The following BRD1 variants were observed in gnomAD, a reference collection of about 807,000 sequenced individuals.
BRD1 encodes the protein bromodomain-containing protein 1.
Under a neutral mutation model 107.7 loss-of-function variants are expected in BRD1, and 24 were observed. The observed-to-expected ratio is 0.22, with a 90% CI of 0.16 to 0.31. The LOEUF is 0.31. BRD1 is among the 10% of genes least tolerant of loss of function. BRD1 has a pLI of 1.00. For missense variants in BRD1, 1,279 were observed against 1,638.6 expected, an observed-to-expected ratio of 0.78 and a Z score of 3.79; for synonymous variants, 744 against 686.1, an observed-to-expected ratio of 1.08 and a Z score of -1.32.
chr22:49,784,040 C>G (rs1227267510), intron 8 of BRD1, among the ~76,000 whole-genome samples: 1 of 152,218 alleles, frequency 6.6e-6, no homozygotes, highest in Non-Finnish European at 1.5e-5. Context: ...TCAGCCTCCT[C>G]CCTGAACAGC....
At chr22:49,822,205 T>A (rs1569140432) in intron 2 of BRD1, among the ~76,000 whole-genome samples, 2 of 152,162 alleles carry the variant, frequency 1.3e-5, no homozygotes, top group East Asian at 3.9e-4. Flanking sequence ...GCAGGCAGAC[T>A]GCCTGAGCTC....
At chr22:49,809,550 T>A (rs57255560) in intron 2 of BRD1, among the ~76,000 whole-genome samples, 62,329 of 136,644 alleles carry the variant, frequency 0.46, 13,538 homozygotes, top group African/African-American at 0.58. Context: ...CCAAAAAAAA[T>A]ATATATATAT....
At chr22:49,779,017 TA>T (rs1256668521) in intron 8 of BRD1, among the ~76,000 whole-genome samples, 3 of 152,210 alleles carry the variant, frequency 2.0e-5, no homozygotes, top group Non-Finnish European at 4.4e-5. Flanking sequence ...ACCTCATCCT[TA>T]AAAAATTTTT....
intron 2 of BRD1, chr22:49,817,680 C>G (rs1180028538): frequency 4.4e-6 from 1 of 225,586 alleles, no homozygotes; most frequent in Non-Finnish European, 9.9e-6. Flanking sequence ...ACCAACAAGA[C>G]TAAAAGATTT....
intron 1 of BRD1, among the ~76,000 whole-genome samples, chr22:49,825,203 T>C (rs1468748904): frequency 1.3e-5 from 2 of 152,054 alleles, no homozygotes; most frequent in East Asian, 1.9e-4. Flanking sequence ...TCCAGACACA[T>C]GCATGACGCC....
intron 8 of BRD1, among the ~76,000 whole-genome samples, chr22:49,782,231 C>T (rs531583294): frequency 1.2e-4 from 18 of 151,720 alleles, no homozygotes; most frequent in African/African-American, 4.1e-4. Flanking sequence ...GGACCCGCTC[C>T]GTGACAATGC....
intron 2 of BRD1, among the ~76,000 whole-genome samples, chr22:49,810,134 A>G (rs2059822296): frequency 6.6e-6 from 1 of 152,204 alleles, no homozygotes; most frequent in African/African-American, 2.4e-5. Context: ...TTAAAAAAGA[A>G]AGAAAGAGAA....
chr22:49,794,316 G>A, intron 6 of BRD1, 22 bp from the exon 7 acceptor site: 1 of 1,592,820 alleles, frequency 6.3e-7, no homozygotes, highest in Non-Finnish European at 8.6e-7. Context: ...GACACATGCT[G>A]TCAGTCATCA....
At chr22:49,811,907 C>T (rs1332073462) in intron 2 of BRD1, among the ~76,000 whole-genome samples, 1 of 152,192 alleles carries the variant, frequency 6.6e-6, no homozygotes, top group Admixed American at 6.5e-5. Context: ...ATTTATGGTC[C>T]ACACATGATT....
chr22:49,824,923 AGCCTGTCCATCC>A lies in BRD1; in HGVS notation c.-14-604_-14-593del. 1.6e-6 allele frequency: 1 copy of A among 607,968 alleles called. No homozygotes were observed. Among genetic ancestry groups the A allele is most frequent in the South Asian group, 6.8e-5 (1 of 14,814 alleles). The allele number at this position is 607,968 out of a possible 1,614,324, so 37.7% of individuals were successfully genotyped here. A position where few individuals can be genotyped will look rare whatever the true frequency, so the allele number is the denominator to read the frequency against. On this transcript the variant is annotated intron_variant, in intron 1 of 12. Coordinates refer to ENST00000404760, the MANE Select transcript of BRD1 (RefSeq NM_001304808.3). The surrounding 1 kb of genome is among the most constrained non-coding windows in gnomAD (Gnocchi z 5.9). ...GGGCCAGGGGTAGGAGACAGATCACAGCCTGTCCATCCTCTATAGACAGGCCCTCCACACGCA... is the reference window on the plus strand; with the variant it reads ...GGGCCAGGGGTAGGAGACAGATCACATCTATAGACAGGCCCTCCACACGCA...
rs939254702 is a variant in BRD1, at chr22:49,787,609, G to T, written c.2638C>A (p.Arg880Ser). The change falls in exon 8 of 13, where the codon CGC becomes AGC. Residue 880 changes from arginine to serine, a missense_variant. By Grantham distance (110) the Arg-to-Ser change is moderately radical. Transcript: ENST00000404760. ...VAEPASDVNR[R>S]TSVLFCKSKS... The stretch of plus-strand genomic sequence containing the variant: ...GATTTGCAGAAGAGAACAGAAGTGC[G>T]TCTGTTTACATCGCTTGCTGGCTCC... The T allele has an allele frequency of 6.4e-7, 1 of 1,553,098 alleles. No homozygotes were observed. The highest frequency in any genetic ancestry group is 2.4e-5 in the East Asian group (1 of 40,994).
At position 49,824,387 on chromosome 22, in the gene BRD1, A is replaced by T; in HGVS notation, c.-14-56T>A. On this transcript the variant is annotated intron_variant, in intron 1 of 12. Transcript: ENST00000404760. The surrounding 1 kb of genome is among the most constrained non-coding windows in gnomAD (Gnocchi z 5.9). ...TACGCAGGGTGACCAAAGACTCGAG[A>T]AAACCACAAAAGCATGCTTGGACAG... 1 of 1,577,892 alleles carries T rather than the reference A, an allele frequency of 6.3e-7. No homozygotes were observed. Among genetic ancestry groups the T allele is most frequent in the Non-Finnish European group, 8.6e-7 (1 of 1,163,874 alleles).
chr22:49,819,837 C>CAA (rs1286060655), intron 2 of BRD1, among the ~76,000 whole-genome samples: 1 of 152,028 alleles, frequency 6.6e-6, no homozygotes, highest in Non-Finnish European at 1.5e-5. Context: ...AACCTTAAAA[C>CAA]TATCTCTTTT....
chr22:49,819,072 A>C (rs1236439212), intron 2 of BRD1, among the ~76,000 whole-genome samples: 1 of 151,280 alleles, frequency 6.6e-6, no homozygotes, highest in Non-Finnish European at 1.5e-5. Flanking sequence ...ATCCTGGACA[A>C]CATGGTGAAA....
chr22:49,827,057 G>T (rs1041002087), intron 1 of BRD1, among the ~76,000 whole-genome samples: 5 of 151,980 alleles, frequency 3.3e-5, no homozygotes, highest in African/African-American at 1.2e-4. Context: ...TGCTCACAGG[G>T]AGTTCCCGTC....
intron 8 of BRD1, among the ~76,000 whole-genome samples, chr22:49,785,464 C>T (rs569170230): frequency 6.6e-6 from 1 of 152,358 alleles, no homozygotes; most frequent in African/African-American, 2.4e-5. Context: ...GACCCAACCT[C>T]TAGTACCCAG....
Position 49,824,582 on chromosome 22 carries a change from T to C in BRD1, c.-14-251A>G. 1 of 1,319,310 alleles carries C rather than the reference T, an allele frequency of 7.6e-7. No homozygotes were observed. The highest frequency in any genetic ancestry group is 1.6e-5 in the South Asian group (1 of 61,902). The allele number at this position is 1,319,310 out of a possible 1,614,324, so 81.7% of individuals were successfully genotyped here. On this transcript the variant is annotated intron_variant, in intron 1 of 12. Transcript: ENST00000404760. This position sits in a 1 kb window ranked among gnomAD's most constrained non-coding sequence, Gnocchi z 5.9. Reference sequence around the variant, plus strand: ...GAGCCCTCCTGAGCACCTGCGTCCCTACCACCACACACCAGTCCCCTCTCA... The same window carrying C: ...GAGCCCTCCTGAGCACCTGCGTCCCCACCACCACACACCAGTCCCCTCTCA...
chr22:49,818,316 G>A (rs775907206), intron 2 of BRD1: 32 of 1,275,480 alleles, frequency 2.5e-5, no homozygotes, highest in Middle Eastern at 4.3e-4. Flanking sequence ...GAACCAAACC[G>A]ACACAGGCCG....
chr22:49,819,018 G>A (rs940539196), intron 2 of BRD1, among the ~76,000 whole-genome samples: 4 of 152,038 alleles, frequency 2.6e-5, no homozygotes, highest in Admixed American at 2.0e-4. Flanking sequence ...AGCACTCTGG[G>A]AGGCCAAGGC....
Sources: gnomAD v4.1 joint callset for allele counts (sites outside exome capture counted in the v4.1 genomes callset) on GRCh38, gnomAD v4.1.1 for gene constraint, Gnocchi (gnomAD v3.1) non-coding constraint, MANE v1.5 for transcripts, NCBI Gene and HGNC (gene_info 2026-07-23, HGNC 2026-07-21) for gene names.